The following NPAS1 variants were observed in gnomAD, a reference collection of about 807,000 sequenced individuals.
NPAS1 encodes the protein neuronal PAS domain protein 1, also known as neuronal PAS domain-containing protein 1.
Under a neutral mutation model 49.2 loss-of-function variants are expected in NPAS1, and 29 were observed. The ratio of observed to expected loss-of-function variants is 0.59; its 90% CI spans 0.44 to 0.80. NPAS1 has a LOEUF of 0.80. Among genes scored for constraint, NPAS1 ranks in the 30% least tolerant of loss-of-function variants. The pLI is 0.00. For synonymous variants in NPAS1, 408 were observed against 380.4 expected, an observed-to-expected ratio of 1.07 and a Z score of -0.84; for missense variants, 825 against 835.5, an observed-to-expected ratio of 0.99 and a Z score of 0.15.
intron 3 of NPAS1, among the ~76,000 whole-genome samples, chr19:47,027,154 C>T (rs957276145): frequency 2.6e-5 from 4 of 152,186 alleles, no homozygotes; most frequent in African/African-American, 7.2e-5. Context: ...GGCGCTTTGA[C>T]GATGGGGCAT....
intron 6 of NPAS1, among the ~76,000 whole-genome samples, 200 bp from the exon 7 acceptor site, chr19:47,038,836 A>AT (rs1449464183): frequency 6.6e-6 from 1 of 151,988 alleles, no homozygotes; most frequent in African/African-American, 2.4e-5. Context: ...AAAAAAAAAA[A>AT]GAAAGGATGC....
intron 3 of NPAS1, among the ~76,000 whole-genome samples, chr19:47,025,949 GT>G (rs199944883): frequency 1.4e-5 from 2 of 147,078 alleles, no homozygotes; most frequent in African/African-American, 2.5e-5. Context: ...TTTGTTTTTT[GT>G]TTTTTTTGAG....
chr19:47,028,316 C>T (rs1208572518), intron 3 of NPAS1, among the ~76,000 whole-genome samples: 4 of 151,854 alleles, frequency 2.6e-5, no homozygotes, highest in African/African-American at 9.7e-5. Flanking sequence ...AGTAATTGTT[C>T]CTGGAGCTCC....
chr19:47,027,641 C>CTTCTCTCT (rs1568501621), intron 3 of NPAS1, among the ~76,000 whole-genome samples: 8 of 19,826 alleles, frequency 4.0e-4, no homozygotes, highest in Non-Finnish European at 7.0e-4. Flanking sequence ...CCTGGTCTCC[C>CTTCTCTCT]GTCTGTCTGC....
intron 3 of NPAS1, among the ~76,000 whole-genome samples, chr19:47,022,712 C>A (rs1181967493): frequency 1.3e-5 from 2 of 152,204 alleles, no homozygotes; most frequent in Non-Finnish European, 2.9e-5. Context: ...AAGTCCCTGC[C>A]CCGGAGCGGC....
At chr19:47,035,769 G>C in intron 5 of NPAS1, 195 bp from the exon 6 acceptor site, 1 of 577,744 alleles carries the variant, frequency 1.7e-6, no homozygotes. Flanking sequence ...CACTGGGTAT[G>C]AAGCGAGAAG....
chr19:47,031,941 G>A (rs2056908459), intron 3 of NPAS1, among the ~76,000 whole-genome samples: 1 of 152,132 alleles, frequency 6.6e-6, no homozygotes, highest in South Asian at 2.1e-4. Context: ...AGGGGTTGCT[G>A]GGCTGTCCTG....
intron 8 of NPAS1, 109 bp downstream of exon 8, chr19:47,039,673 C>T: frequency 8.2e-7 from 1 of 1,219,442 alleles, no homozygotes; most frequent in South Asian, 1.5e-5. Context: ...CACTGGGGAG[C>T]CATGGGAGGC....
intron 3 of NPAS1, among the ~76,000 whole-genome samples, chr19:47,031,834 G>A (rs1331443539): frequency 2.0e-5 from 3 of 151,936 alleles, no homozygotes; most frequent in Admixed American, 6.6e-5. Context: ...CAGCCTGTTG[G>A]TTTCTTATTT....
At chr19:47,041,836 C>T in intron 10 of NPAS1, among the ~76,000 whole-genome samples, 1 of 151,532 alleles carries the variant, frequency 6.6e-6, no homozygotes, top group African/African-American at 2.4e-5. Flanking sequence ...TTTAATTGGC[C>T]CGTTACAGTG....
chr19:47,035,290 A>G (rs2056943265), intron 5 of NPAS1: 1 of 152,532 alleles, frequency 6.6e-6, no homozygotes, highest in African/African-American at 2.4e-5. Context: ...CAGAGGGATA[A>G]CGGACTGAGG....
At chr19:47,022,596 C>T (rs1408819137) in intron 3 of NPAS1, among the ~76,000 whole-genome samples, 1 of 97,498 alleles carries the variant, frequency 1.0e-5, no homozygotes, top group Admixed American at 1.2e-4. Flanking sequence ...TGGAGGGGTT[C>T]GGGGCATGGA....
chr19:47,032,304 C>A lies in NPAS1; in HGVS notation c.385C>A (p.Leu129Met), dbSNP rs2056911649. The part of the protein sequence containing the change: ...LAPGRRGPAA[L>M]VSEVFEQHLG... The stretch of plus-strand genomic sequence containing the variant: ...CCCAGGCCGCCGCGGCCCCGCAGCG[C>A]TGGTCTCCGAAGTCTTCGAGCAGCA... The change falls in exon 4 of 12, where the codon CTG (leucine) becomes ATG (methionine). Residue 129 changes from leucine to methionine, a missense_variant. By Grantham distance (15) the Leu-to-Met change is conservative (BLOSUM62 2). Transcript: ENST00000602212. 2.5e-6 allele frequency: 4 copies of A among 1,614,040 alleles called. No homozygotes were observed. Among genetic ancestry groups the A allele is most frequent in the Non-Finnish European group, 3.4e-6 (4 of 1,180,004 alleles).
In NPAS1 at chr19:47,042,797, ATCT is replaced by A. The variant is rs772839491; in HGVS notation, c.1218-9_1218-7del. The A allele has an allele frequency of 1.9e-6, 3 of 1,599,460 alleles. No individual in the cohort carries two copies. The highest frequency in any genetic ancestry group is 2.6e-6 in the Non-Finnish European group (3 of 1,173,024). On this transcript the variant is annotated splice_polypyrimidine_tract_variant and intron_variant, in intron 10 of 11. Transcript: ENST00000602212. ...GGACCCCTGGCTCCTAACCGCATCC[ATCT>A]TCTCCCCAGCCAAGCCGAGGGTGGC...
At chr19:47,037,496 A>G (rs2056969643) in intron 6 of NPAS1, among the ~76,000 whole-genome samples, 1 of 151,958 alleles carries the variant, frequency 6.6e-6, no homozygotes, top group African/African-American at 2.4e-5. Context: ...TAAGTGATTG[A>G]GTTGGATTCT....
intron 4 of NPAS1, 127 bp from the exon 5 acceptor site, chr19:47,032,515 AG>A (rs758558120): frequency 2.6e-5 from 28 of 1,095,218 alleles, no homozygotes; most frequent in Non-Finnish European, 2.9e-5. Flanking sequence ...GGACCACTGA[AG>A]CCCCCTCCCC....
chr19:47,035,191 A>AAG (rs1555771733), intron 5 of NPAS1: 1 of 148,898 alleles, frequency 6.7e-6, no homozygotes, highest in South Asian at 2.1e-4. Flanking sequence ...AAAAAAATAA[A>AAG]AAGAAGAAGA....
intron 5 of NPAS1, among the ~76,000 whole-genome samples, chr19:47,033,159 A>C (rs2056919818): frequency 6.6e-6 from 1 of 151,320 alleles, no homozygotes; most frequent in Non-Finnish European, 1.5e-5. Flanking sequence ...GATGGTTGAG[A>C]TCTCCTGACC....
At chr19:47,029,535 G>A (rs2056893580) in intron 3 of NPAS1, among the ~76,000 whole-genome samples, 1 of 152,056 alleles carries the variant, frequency 6.6e-6, no homozygotes, top group Non-Finnish European at 1.5e-5. Context: ...GAATAGCTGG[G>A]ACCACAGGCA....
Sources: gnomAD v4.1 joint callset for allele counts (sites outside exome capture counted in the v4.1 genomes callset) on GRCh38, gnomAD v4.1.1 for gene constraint, MANE v1.5 for transcripts, NCBI Gene and HGNC (gene_info 2026-07-23, HGNC 2026-07-21) for gene names.